The following ELAVL4 variants were observed in gnomAD, a reference collection of about 807,000 sequenced individuals.
ELAVL4 encodes the protein ELAV like RNA binding protein 4.
Under a neutral mutation model 35.6 loss-of-function variants are expected in ELAVL4, and 1 was observed. The observed-to-expected ratio is 0.03, with a 90% CI of 0.01 to 0.13. ELAVL4 has a LOEUF of 0.13. Ranked by LOEUF, ELAVL4 falls within the 10% of genes least tolerant of loss-of-function variation. ELAVL4 has a pLI of 1.00. For synonymous variants in ELAVL4, 156 were observed against 171.0 expected (o/e 0.91, Z 0.69); for missense variants, 267 against 464.9 (o/e 0.57, Z 3.91).
In ELAVL4 at chr1:50,202,979, G is replaced by A. The variant is rs1014168644; in HGVS notation, c.*1801G>A. On this transcript the variant is annotated 3_prime_UTR_variant, in exon 7 of 7. Transcript: ENST00000371824. The stretch of plus-strand genomic sequence containing the variant: ...CTGAGGGAGCACTCTCCCACGTCCA[G>A]TGCACTGATCATTTTAGTATGTTTG... 4 of 152,144 alleles carry A rather than the reference G, an allele frequency of 2.6e-5. No homozygotes were observed. The highest frequency in any genetic ancestry group is 4.4e-5 in the Non-Finnish European group (3 of 68,012). 9.4% of individuals were successfully genotyped at this position (152,144 alleles called of 1,614,324 possible).
intron 1 of ELAVL4, among the ~76,000 whole-genome samples, chr1:50,134,140 G>A (rs1259348503): frequency 6.6e-6 from 1 of 152,178 alleles, no homozygotes; most frequent in Non-Finnish European, 1.5e-5. Flanking sequence ...TAATTTCAGA[G>A]ATGTGACCTA....
At chr1:50,136,879 C>G (rs949583755) in intron 1 of ELAVL4, among the ~76,000 whole-genome samples, 1 of 152,200 alleles carries the variant, frequency 6.6e-6, no homozygotes, top group Non-Finnish European at 1.5e-5. Context: ...GTACAAGAAC[C>G]CTGCACTGGG....
At position 50,113,657 on chromosome 1, in the gene ELAVL4, A is replaced by G. The variant is rs561120029; in HGVS notation, c.9+4459A>G. ...GGGAATTTTGGGGCTAGGAAGGGAC[A>G]TGAACATTTTCAAGCTTTTATCTTA... On this transcript the variant is annotated intron_variant, in intron 1 of 6. Transcript: ENST00000371824. 4.6e-5 allele frequency among the ~76,000 whole-genome samples: 7 copies of G among 152,230 alleles called. No homozygotes were observed. The South Asian group carries it at 1.4e-3, about 32-fold the overall frequency.
intron 1 of ELAVL4, among the ~76,000 whole-genome samples, chr1:50,117,002 A>G (rs1399502480): frequency 1.3e-5 from 2 of 152,128 alleles, no homozygotes; most frequent in Non-Finnish European, 2.9e-5. Context: ...CCTCATAGTA[A>G]CCATTCCCCA....
chr1:50,192,515 G>GCATGCA lies in ELAVL4; in HGVS notation c.355-1248_355-1247insTGCACA, dbSNP rs1682805354. ...TCCTTTTGCACACATGCTTTTGTGT[G>GCATGCA]CACGCACACACACACACACACACAC... On this transcript the variant is annotated intron_variant, in intron 3 of 6. Coordinates refer to ENST00000371824, the MANE Select transcript of ELAVL4 (RefSeq NM_001144774.3). Among the ~76,000 whole-genome samples the GCATGCA allele has an allele frequency of 5.0e-5, 4 of 80,346 alleles. No homozygotes were observed. The South Asian group carries it at 1.6e-3, about 31-fold the overall frequency. The allele number at this position is 80,346 out of a possible 152,430, so 52.7% of individuals were successfully genotyped here. A position where few individuals can be genotyped will look rare whatever the true frequency, so the allele number is the denominator to read the frequency against.
intron 4 of ELAVL4, among the ~76,000 whole-genome samples, chr1:50,194,602 G>A (rs1310848721): frequency 6.6e-6 from 1 of 152,232 alleles, no homozygotes; most frequent in Non-Finnish European, 1.5e-5. Flanking sequence ...AACCTTCACA[G>A]AAGTCTGCTC....
intron 1 of ELAVL4, among the ~76,000 whole-genome samples, chr1:50,113,631 T>G (rs1667458047): frequency 1.3e-5 from 2 of 152,070 alleles, no homozygotes; most frequent in Admixed American, 6.6e-5. Flanking sequence ...CCAATGTCAT[T>G]GGGAATTTTG....
chr1:50,089,167 A>G (rs1665382078), intron 1 of ELAVL4, among the ~76,000 whole-genome samples: 1 of 152,204 alleles, frequency 6.6e-6, no homozygotes, highest in Non-Finnish European at 1.5e-5. Flanking sequence ...AGAATTCTCA[A>G]TGTAGCAGAA....
intron 1 of ELAVL4, among the ~76,000 whole-genome samples, chr1:50,124,337 G>T (rs1380073812): frequency 6.6e-6 from 1 of 152,046 alleles, no homozygotes; most frequent in Non-Finnish European, 1.5e-5. Flanking sequence ...CAATAATAGT[G>T]ACCCTTTATG....
rs531386986 is a variant in ELAVL4, at chr1:50,175,267, G to A, written c.251-1822G>A. ...GTTTGATGAGGTGACACCAAATTTC[G>A]GATAAATGATATTTTTAAACCAATG... is the stretch of plus-strand genomic sequence containing the variant. On this transcript the variant is annotated intron_variant, in intron 2 of 6. Transcript: ENST00000371824. Among the ~76,000 whole-genome samples the A allele has an allele frequency of 3.9e-5, 6 of 152,002 alleles. No individual in the cohort carries two copies. The South Asian group carries it at 8.3e-4, about 21-fold the overall frequency.
chr1:50,142,472 G>T (rs992591622), intron 1 of ELAVL4, among the ~76,000 whole-genome samples: 1 of 152,040 alleles, frequency 6.6e-6, no homozygotes. Context: ...CAAAGTGTTG[G>T]GATTACAGGT....
intron 1 of ELAVL4, among the ~76,000 whole-genome samples, chr1:50,119,068 G>GAA (rs1557726847): frequency 7.4e-6 from 1 of 135,794 alleles, no homozygotes; most frequent in African/African-American, 2.9e-5. Context: ...AAGAAAGAAA[G>GAA]AAAGAAAGAA....
At chr1:50,093,038 T>C (rs1665562018) in intron 1 of ELAVL4, among the ~76,000 whole-genome samples, 1 of 152,238 alleles carries the variant, frequency 6.6e-6, no homozygotes, top group African/African-American at 2.4e-5. Flanking sequence ...GAATCCCCAA[T>C]GTCTGGCACA....
upstream of ELAVL4, among the ~76,000 whole-genome samples, chr1:50,102,495 C>T (rs1666041259): frequency 6.6e-6 from 1 of 151,362 alleles, no homozygotes; most frequent in South Asian, 2.1e-4. Context: ...CATGGATGTA[C>T]CTTCTTTGCC....
chr1:50,192,484 T>C (rs1263049050), intron 3 of ELAVL4, among the ~76,000 whole-genome samples: 1 of 150,978 alleles, frequency 6.6e-6, no homozygotes, highest in African/African-American at 2.4e-5. Flanking sequence ...GTTTAATGTG[T>C]TCAATTCCTT....
chr1:50,052,190 A>G (rs1401622638), intron 1 of ELAVL4, among the ~76,000 whole-genome samples: 1 of 152,200 alleles, frequency 6.6e-6, no homozygotes, highest in Non-Finnish European at 1.5e-5. Context: ...GATTCTTTCA[A>G]AATAATTCAG....
chr1:50,154,916 A>C (rs1291582784), intron 2 of ELAVL4, among the ~76,000 whole-genome samples: 3 of 152,162 alleles, frequency 2.0e-5, no homozygotes, highest in African/African-American at 7.2e-5. Context: ...TTTAAAAAAC[A>C]GAATAGAAGG....
At position 50,194,949 on chromosome 1, in the gene ELAVL4, G is replaced by A. The variant is rs570685708; in HGVS notation, c.509-612G>A. The stretch of plus-strand genomic sequence containing the variant: ...TCAGGCAGTTCAGGGTGGCTGGTGT[G>A]AGCCTCAATAGGGAATTTGGGGCCA... On this transcript the variant is annotated intron_variant, in intron 4 of 6. Coordinates refer to ENST00000371824, the MANE Select transcript of ELAVL4 (RefSeq NM_001144774.3). Among the ~76,000 whole-genome samples, 28 of 152,300 alleles carry A rather than the reference G, an allele frequency of 1.8e-4. No individual in the cohort carries two copies. In the South Asian group the frequency reaches 4.6e-3, roughly 25 times the overall value.
upstream of ELAVL4, among the ~76,000 whole-genome samples, chr1:50,099,431 A>G (rs1665862022): frequency 6.6e-6 from 1 of 152,000 alleles, no homozygotes; most frequent in Admixed American, 6.6e-5. Flanking sequence ...ATGGTGGCGC[A>G]TGCCTGTAAT....
Sources: allele counts gnomAD v4.1 joint callset (sites outside exome capture counted in the v4.1 genomes callset), GRCh38; gene constraint gnomAD v4.1.1; transcripts MANE v1.5; gene names NCBI Gene and HGNC (gene_info 2026-07-23, HGNC 2026-07-21).